The following PITPNM2 variants were observed in gnomAD, a reference collection of about 807,000 sequenced individuals.
PITPNM2 encodes phosphatidylinositol transfer protein membrane associated 2.
PITPNM2 carries 35 observed loss-of-function variants against 132.2 expected under a neutral mutation model. The observed-to-expected ratio is 0.26, with a 90% CI of 0.20 to 0.35. PITPNM2 has a LOEUF of 0.35. PITPNM2 is among the 10% of genes least tolerant of loss of function. The pLI is 1.00. For missense variants in PITPNM2, 1,332 were observed against 1,912.0 expected, an observed-to-expected ratio of 0.70 and a Z score of 5.66; for synonymous variants, 738 against 799.2, an observed-to-expected ratio of 0.92 and a Z score of 1.29.
At chr12:123,090,839 T>A (rs546070910) in intron 2 of PITPNM2, 7 of 152,346 alleles carry the variant, frequency 4.6e-5, no homozygotes, top group African/African-American at 1.7e-4. Context: ...CACATTGTGG[T>A]CTTCCTAACC....
At chr12:123,032,040 T>G (rs150948728) in intron 3 of PITPNM2, among the ~76,000 whole-genome samples, 86 of 152,304 alleles carry the variant, frequency 5.6e-4, no homozygotes, top group African/African-American at 2.0e-3. Flanking sequence ...TCCTAATCAA[T>G]GGAGCTTCTC....
intron 1 of PITPNM2, among the ~76,000 whole-genome samples, chr12:123,137,963 C>T (rs1250317794): frequency 6.6e-6 from 1 of 151,802 alleles, no homozygotes; most frequent in East Asian, 1.9e-4. Flanking sequence ...TGGTCACTTA[C>T]CTTGGAAATG....
At chr12:123,068,045 G>C (rs537976106) in intron 2 of PITPNM2, among the ~76,000 whole-genome samples, 2 of 152,318 alleles carry the variant, frequency 1.3e-5, no homozygotes, top group African/African-American at 4.8e-5. Context: ...AGGGGAAGTA[G>C]TCATGTGGCC....
intron 3 of PITPNM2, among the ~76,000 whole-genome samples, chr12:123,016,530 T>A (rs2039430324): frequency 1.3e-5 from 2 of 151,920 alleles, no homozygotes; most frequent in Non-Finnish European, 2.9e-5. Flanking sequence ...TTGGCCAGGA[T>A]GGTCTTGATC....
chr12:123,124,413 C>A (rs958553722), intron 1 of PITPNM2, among the ~76,000 whole-genome samples: 1 of 151,588 alleles, frequency 6.6e-6, no homozygotes, highest in Non-Finnish European at 1.5e-5. Flanking sequence ...ACCTGGGCAA[C>A]AGAGCGAGAC....
chr12:123,045,974 CCCTTTAG>C (rs1330768732), intron 2 of PITPNM2, among the ~76,000 whole-genome samples: 1 of 152,174 alleles, frequency 6.6e-6, no homozygotes, highest in African/African-American at 2.4e-5. Context: ...GGTGTCACAG[CCCTTTAG>C]CTCAGAGAAA....
Position 123,005,559 on chromosome 12 carries a change from T to A in PITPNM2, c.644-11A>T, listed in dbSNP as rs747057546. On this transcript the variant is annotated splice_polypyrimidine_tract_variant and intron_variant, in intron 6 of 25. Transcript: ENST00000320201. This position sits in a 1 kb window ranked among gnomAD's most constrained non-coding sequence, Gnocchi z 6.2. The stretch of plus-strand genomic sequence containing the variant: ...TCACCCTCCGTAGTCCTGTGCCCCA[T>A]GGGGATCAGAGAGGGAGAGACGAGG... 3 of 1,608,900 alleles carry A rather than the reference T, an allele frequency of 1.9e-6. No homozygotes were observed. Among genetic ancestry groups the A allele is most frequent in the Non-Finnish European group, 1.7e-6 (2 of 1,177,332 alleles).
chr12:123,027,344 C>T (rs2039899190), intron 3 of PITPNM2, among the ~76,000 whole-genome samples: 1 of 152,192 alleles, frequency 6.6e-6, no homozygotes, highest in South Asian at 2.1e-4. Context: ...AGAGCACTGG[C>T]TTCAGAGTCA....
chr12:123,002,904 AATTTTTTTATTTTTG>A (rs1566240626), intron 8 of PITPNM2, among the ~76,000 whole-genome samples: 1 of 151,990 alleles, frequency 6.6e-6, no homozygotes, highest in African/African-American at 2.4e-5. Context: ...GGTTTAAAAA[AATTTTTTTATTTTTG>A]GTATTGACAG....
chr12:123,074,833 A>G (rs2041732194), intron 2 of PITPNM2, among the ~76,000 whole-genome samples: 1 of 152,220 alleles, frequency 6.6e-6, no homozygotes, highest in South Asian at 2.1e-4. Context: ...CCAGGGAGGA[A>G]AAGAGGGAAC....
At chr12:123,130,489 A>G (rs1234860235) in intron 1 of PITPNM2, among the ~76,000 whole-genome samples, 1 of 152,082 alleles carries the variant, frequency 6.6e-6, no homozygotes, top group African/African-American at 2.4e-5. Context: ...AAGAGAAACA[A>G]AAGAAAGCTT....
chr12:123,037,356 T>C (rs74722951), intron 2 of PITPNM2, among the ~76,000 whole-genome samples: 2,644 of 152,320 alleles, frequency 0.017, 61 homozygotes, highest in African/African-American at 0.06. Flanking sequence ...CAATGGGGGT[T>C]GTTTCTGAAG....
chr12:123,034,915 T>C (rs547722689), intron 2 of PITPNM2, among the ~76,000 whole-genome samples: 7 of 152,298 alleles, frequency 4.6e-5, no homozygotes, highest in African/African-American at 1.7e-4. Context: ...AGCTCTCTGA[T>C]CAACAAACAG....
intron 1 of PITPNM2, among the ~76,000 whole-genome samples, chr12:123,132,739 C>T (rs927800019): frequency 2.0e-5 from 3 of 152,030 alleles, no homozygotes; most frequent in Non-Finnish European, 4.4e-5. Flanking sequence ...TTTGCCTATT[C>T]TAGGTACCTC....
In PITPNM2 at chr12:123,151,052, C is replaced by G. The variant is rs2043733625; in HGVS notation, c.-499G>C. 6.9e-6 allele frequency among the ~76,000 whole-genome samples: 1 copy of G among 145,730 alleles called. No individual in the cohort carries two copies. Among genetic ancestry groups the G allele is most frequent in the Non-Finnish European group, 1.5e-5 (1 of 65,614 alleles). On this transcript the variant is annotated 5_prime_UTR_variant, in exon 1 of 26. Transcript: ENST00000320201. ...GGGCCGGCTGGACAGCTCTACGCCG[C>G]GGCGCCGCGGTGCCCCGCGCACCCC...
In PITPNM2 at chr12:123,099,228, T is replaced by C. The variant is rs1219479814; in HGVS notation, c.-96+11157A>G. ...CTTCACGCTCACCCAGAACTGTCGATTTTGCTGAAAAAAAAAATATATATC... is the reference window on the plus strand; with the variant it reads ...CTTCACGCTCACCCAGAACTGTCGACTTTGCTGAAAAAAAAAATATATATC... On this transcript the variant is annotated intron_variant, in intron 2 of 25. Transcript: ENST00000320201. The surrounding 1 kb of genome is among the most constrained non-coding windows in gnomAD (Gnocchi z 4.2). 6.6e-6 allele frequency among the ~76,000 whole-genome samples: 1 copy of C among 151,876 alleles called. No homozygotes were observed. The highest frequency in any genetic ancestry group is 1.5e-5 in the Non-Finnish European group (1 of 67,936).
chr12:123,065,307 C>G (rs1184745727), intron 2 of PITPNM2, among the ~76,000 whole-genome samples: 1 of 152,252 alleles, frequency 6.6e-6, no homozygotes, highest in Non-Finnish European at 1.5e-5. Flanking sequence ...GGGCAGGCAG[C>G]AGGACTCAGC....
intron 2 of PITPNM2, among the ~76,000 whole-genome samples, chr12:123,076,657 C>T (rs956017920): frequency 5.9e-5 from 9 of 152,236 alleles, no homozygotes; most frequent in Non-Finnish European, 1.0e-4. Context: ...CTAGACTTCT[C>T]TGCAGTCAGC....
Position 123,034,625 on chromosome 12 carries a change from G to C in PITPNM2, c.-35C>G, listed in dbSNP as rs139063938. 0.023 allele frequency: 36,381 copies of C among 1,590,606 alleles called. 557 individuals are homozygous for C. The highest frequency in any genetic ancestry group is 0.028 in the Non-Finnish European group (32,313 of 1,158,574). The stretch of plus-strand genomic sequence containing the variant: ...CAAGCCTTCCCGTCGATGGGGAACT[G>C]CAAGTTGGGACTTCTAGGCAAGGTT... On this transcript the variant is annotated 5_prime_UTR_variant, in exon 3 of 26. Transcript: ENST00000320201.
Sources: gnomAD v4.1 joint callset for allele counts (sites outside exome capture counted in the v4.1 genomes callset) on GRCh38, gnomAD v4.1.1 for gene constraint, Gnocchi (gnomAD v3.1) non-coding constraint, MANE v1.5 for transcripts, NCBI Gene and HGNC (gene_info 2026-07-23, HGNC 2026-07-21) for gene names.